SPIDR: variants seen among roughly 807,000 people sequenced by gnomAD.
SPIDR encodes the protein DNA repair-scaffolding protein.
A neutral mutation model predicts 104.6 loss-of-function variants in SPIDR; 93 were observed. The ratio of observed to expected loss-of-function variants is 0.89; its 90% CI spans 0.75 to 1.06. The LOEUF (loss-of-function observed/expected upper bound fraction) is 1.06, where lower values mean the gene tolerates loss of function less well. SPIDR is among the 50% of genes least tolerant of loss of function. The pLI, the probability that SPIDR is intolerant of heterozygous loss-of-function variation, is 0.00. For synonymous variants in SPIDR, 431 were observed against 416.9 expected, an observed-to-expected ratio of 1.03 and a Z score of -0.41; for missense variants, 1,154 against 1,111.2, an observed-to-expected ratio of 1.04 and a Z score of -0.55.
intron 7 of SPIDR, among the ~76,000 whole-genome samples, chr8:47,436,390 CTTTG>C (rs1307592494): frequency 1.3e-5 from 2 of 152,068 alleles, no homozygotes; most frequent in South Asian, 2.1e-4. Flanking sequence ...AAACATTGTC[CTTTG>C]TTTGTAAAAT....
At chr8:47,261,153 C>A (rs2032090692) in intron 1 of SPIDR, among the ~76,000 whole-genome samples, 162 bp downstream of exon 1, 1 of 152,152 alleles carries the variant, frequency 6.6e-6, no homozygotes, top group African/African-American at 2.4e-5. Flanking sequence ...TGGAGCAAGC[C>A]CGCGCAGTGG....
intron 5 of SPIDR, among the ~76,000 whole-genome samples, chr8:47,388,189 T>C (rs897324968): frequency 9.2e-5 from 14 of 152,338 alleles, no homozygotes; most frequent in Admixed American, 1.3e-4. Flanking sequence ...TTTTGTCCAT[T>C]TGGAGCACTA....
At position 47,558,895 on chromosome 8, in the gene SPIDR, T is replaced by C. The variant is rs1404437327; in HGVS notation, c.1098-36916T>C. Among the ~76,000 whole-genome samples, 4 of 152,304 alleles carry C rather than the reference T, an allele frequency of 2.6e-5. No individual in the cohort carries two copies. The East Asian group carries it at 7.7e-4, about 29-fold the overall frequency. ...CCTCGTGATCCACCCGCCCTTGGCC[T>C]CCCAAAGTGCTGAGATTACAGGCGT... On this transcript the variant is annotated intron_variant, in intron 8 of 19. Transcript: ENST00000297423.
intron 5 of SPIDR, among the ~76,000 whole-genome samples, chr8:47,361,165 A>T (rs1385214214): frequency 2.6e-5 from 4 of 152,232 alleles, no homozygotes; most frequent in African/African-American, 9.6e-5. Context: ...GGAAATGGTA[A>T]TACCTACTTC....
intron 3 of SPIDR, among the ~76,000 whole-genome samples, chr8:47,286,577 C>T (rs916593979): frequency 6.6e-6 from 1 of 151,988 alleles, no homozygotes; most frequent in South Asian, 2.1e-4. Flanking sequence ...ATAGCAAGAC[C>T]ACATCGCTTA....
At chr8:47,578,577 A>G (rs1272108339) in intron 8 of SPIDR, among the ~76,000 whole-genome samples, 1 of 152,238 alleles carries the variant, frequency 6.6e-6, no homozygotes, top group Non-Finnish European at 1.5e-5. Flanking sequence ...CTGACCTAGT[A>G]ACAAGGTGCT....
chr8:47,262,418 CAT>C (rs1234520218), intron 1 of SPIDR, among the ~76,000 whole-genome samples: 1 of 151,980 alleles, frequency 6.6e-6, no homozygotes, highest in Non-Finnish European at 1.5e-5. Flanking sequence ...TTTATTATAT[CAT>C]AGAGTTTCTG....
intron 10 of SPIDR, among the ~76,000 whole-genome samples, chr8:47,623,014 T>C (rs1004630382): frequency 1.3e-5 from 2 of 152,196 alleles, no homozygotes; most frequent in African/African-American, 4.8e-5. Context: ...TCTGTCCATC[T>C]GTGAGATGAA....
At chr8:47,319,657 A>G (rs200907359) in intron 5 of SPIDR, among the ~76,000 whole-genome samples, 1 of 152,206 alleles carries the variant, frequency 6.6e-6, no homozygotes. Context: ...TCTCAGCACC[A>G]CACCGCACTT....
At chr8:47,348,799 C>A (rs781965073) in intron 5 of SPIDR, among the ~76,000 whole-genome samples, 3 of 152,182 alleles carry the variant, frequency 2.0e-5, no homozygotes, top group Admixed American at 6.5e-5. Context: ...TCAGCTCCAT[C>A]AGTTCATTTA....
intron 8 of SPIDR, among the ~76,000 whole-genome samples, chr8:47,586,174 T>C (rs1273725231): frequency 2.6e-5 from 4 of 152,208 alleles, no homozygotes; most frequent in South Asian, 2.1e-4. Context: ...GGGACTATTA[T>C]TAATAAAGCT....
intron 8 of SPIDR, chr8:47,592,713 G>A (rs768374458): frequency 1.8e-5 from 11 of 595,282 alleles, no homozygotes; most frequent in Non-Finnish European, 3.0e-5. Flanking sequence ...TGTCTTTAAT[G>A]TTTTATCTGC....
At chr8:47,659,793 AAG>A in intron 10 of SPIDR, 1 of 897,792 alleles carries the variant, frequency 1.1e-6, no homozygotes, top group East Asian at 1.2e-4. Context: ...GAAGCTTCGT[AAG>A]AGATTATAAA....
intron 10 of SPIDR, among the ~76,000 whole-genome samples, chr8:47,656,393 A>G (rs938507822): frequency 6.6e-6 from 1 of 152,232 alleles, no homozygotes; most frequent in Non-Finnish European, 1.5e-5. Context: ...GCAAATGGAC[A>G]GTAAGCACAT....
chr8:47,602,711 C>A (rs2062443153), intron 10 of SPIDR, among the ~76,000 whole-genome samples: 1 of 152,202 alleles, frequency 6.6e-6, no homozygotes, highest in African/African-American at 2.4e-5. Context: ...AGCTTATCTT[C>A]TGAAAGCTGA....
chr8:47,572,045 G>A (rs1292221016), intron 8 of SPIDR, among the ~76,000 whole-genome samples: 1 of 152,124 alleles, frequency 6.6e-6, no homozygotes, highest in Non-Finnish European at 1.5e-5. Flanking sequence ...GGTGTACCAA[G>A]TAATCTCTTG....
intron 8 of SPIDR, among the ~76,000 whole-genome samples, chr8:47,472,754 T>A (rs2075872660): frequency 1.3e-5 from 2 of 152,220 alleles, no homozygotes; most frequent in South Asian, 4.1e-4. Context: ...TAAGATAGTT[T>A]TGATCTAGCT....
intron 8 of SPIDR, among the ~76,000 whole-genome samples, chr8:47,564,702 G>T (rs968869950): frequency 6.7e-6 from 1 of 148,676 alleles, no homozygotes; most frequent in Non-Finnish European, 1.5e-5. Flanking sequence ...AAAAAAAAAA[G>T]AATTCAGTAG....
At chr8:47,298,304 TG>T (rs1273693190) in intron 5 of SPIDR, among the ~76,000 whole-genome samples, 2 of 152,336 alleles carry the variant, frequency 1.3e-5, no homozygotes, top group African/African-American at 2.4e-5. Flanking sequence ...TTGATGGGGT[TG>T]TTTTTTTCTT....
Sources: gnomAD v4.1 joint callset for allele counts (sites outside exome capture counted in the v4.1 genomes callset) on GRCh38, gnomAD v4.1.1 for gene constraint, MANE v1.5 for transcripts, NCBI Gene and HGNC (gene_info 2026-07-23, HGNC 2026-07-21) for gene names.